The following NUDT9 variants were observed in gnomAD, a reference collection of about 807,000 sequenced individuals.
The protein encoded by NUDT9 is nudix hydrolase 9.
Under a neutral mutation model 41.0 loss-of-function variants are expected in NUDT9, and 31 were observed. The observed-to-expected ratio is 0.76, with a 90% CI of 0.57 to 1.02. NUDT9 has a LOEUF of 1.02. Ranked by LOEUF, NUDT9 falls within the 50% of genes least tolerant of loss-of-function variation. The pLI, the probability that NUDT9 is intolerant of heterozygous loss-of-function variation, is 0.00. For missense variants in NUDT9, 380 were observed against 431.4 expected (o/e 0.88, Z 1.06); for synonymous variants, 146 against 147.6 (o/e 0.99, Z 0.08).
rs577507490 is a variant in NUDT9, at chr4:87,447,774, C to T, written c.531-1368C>T. 2.0e-5 allele frequency among the ~76,000 whole-genome samples: 3 copies of T among 152,178 alleles called. No homozygotes were observed. In the East Asian group the frequency reaches 5.8e-4, roughly 29 times the overall value. On this transcript the variant is annotated intron_variant, in intron 4 of 7. Transcript: ENST00000302174. ...AGAAGCAGGGCCGGGTGGCTTACAC[C>T]TGTAATTGCAGCACTTTGGGATGCC...
At chr4:87,447,010 T>A (rs918701729) in intron 4 of NUDT9, among the ~76,000 whole-genome samples, 39 of 152,138 alleles carry the variant, frequency 2.6e-4, no homozygotes, top group African/African-American at 9.2e-4. Context: ...CTGGTTATGG[T>A]TTTACCCTGC....
Position 87,437,216 on chromosome 4 carries a change from T to C in NUDT9, c.348-1061T>C, listed in dbSNP as rs1272368710. On this transcript the variant is annotated intron_variant, in intron 2 of 7. Transcript: ENST00000302174. Reference sequence around the variant, plus strand: ...AGTGAACCAAGATAATGCTACAGCATTCCAGCCTGGGTGACAGAACGAGAC... The same window carrying C: ...AGTGAACCAAGATAATGCTACAGCACTCCAGCCTGGGTGACAGAACGAGAC... 8.0e-5 allele frequency among the ~76,000 whole-genome samples: 11 copies of C among 136,824 alleles called. No individual in the cohort carries two copies. The East Asian group carries it at 2.4e-3, about 30-fold the overall frequency. 89.8% of individuals were successfully genotyped at this position (136,824 alleles called of 152,430 possible).
chr4:87,440,395 C>G (rs537431650), intron 3 of NUDT9, among the ~76,000 whole-genome samples: 1 of 152,164 alleles, frequency 6.6e-6, no homozygotes, highest in Non-Finnish European at 1.5e-5. Flanking sequence ...TCTCTCTTTG[C>G]GAATAACCAT....
At chr4:87,431,415 A>G (rs1315074753) in intron 1 of NUDT9, among the ~76,000 whole-genome samples, 1 of 152,186 alleles carries the variant, frequency 6.6e-6, no homozygotes, top group African/African-American at 2.4e-5. Context: ...GAGATTCCAT[A>G]TGAATTTTAA....
intron 4 of NUDT9, chr4:87,445,195 T>C (rs531410577): frequency 3.3e-5 from 5 of 152,338 alleles, no homozygotes; most frequent in African/African-American, 1.2e-4. Flanking sequence ...TCACTGGGGT[T>C]AAGTTACTTG....
In NUDT9 at chr4:87,441,875, C is replaced by T. The variant is rs571942291; in HGVS notation, c.490C>T (p.Arg164Ter). ...TGLVGRGLLG[R>*]WGPNHAADPI... is the part of the protein sequence containing the mutation. ...ACTGGTGGGCCGGGGGCTTTTGGGG[C>T]GATGGGGCCCAAATCACGCTGCAGA... Residue 164 changes from arginine to a stop codon, truncating the protein, a stop_gained, in exon 4 of 8, where the codon CGA becomes TGA. Transcript: ENST00000302174. LOFTEE classifies it high-confidence loss of function. 44 of 1,612,910 alleles carry T rather than the reference C, an allele frequency of 2.7e-5. No individual in the cohort carries two copies. The highest frequency in any genetic ancestry group is 3.1e-5 in the Non-Finnish European group (36 of 1,179,654).
chr4:87,431,005 T>A (rs1394458096), intron 1 of NUDT9, among the ~76,000 whole-genome samples: 1 of 152,178 alleles, frequency 6.6e-6, no homozygotes, highest in Non-Finnish European at 1.5e-5. Context: ...ATCCAGAAAA[T>A]CATCACCAAA....
At chr4:87,426,045 T>C (rs1465256574) in intron 1 of NUDT9, among the ~76,000 whole-genome samples, 1 of 152,156 alleles carries the variant, frequency 6.6e-6, no homozygotes, top group Non-Finnish European at 1.5e-5. Flanking sequence ...ACTATTGGGC[T>C]CAAGTGATCC....
intron 3 of NUDT9, among the ~76,000 whole-genome samples, chr4:87,440,586 G>A (rs7677249): frequency 0.25 from 38,401 of 152,012 alleles, 4,936 homozygotes; most frequent in African/African-American, 0.29. Flanking sequence ...GGTGGCTCAC[G>A]CCTGTAATCC....
chr4:87,423,686 CTGTG>C (rs1204071340), intron 1 of NUDT9, among the ~76,000 whole-genome samples: 1 of 152,136 alleles, frequency 6.6e-6, no homozygotes, highest in African/African-American at 2.4e-5. Flanking sequence ...GTCAATTGTT[CTGTG>C]TCTTTTTGGT....
chr4:87,455,816 C>T (rs1223135943), intron 7 of NUDT9, among the ~76,000 whole-genome samples: 5 of 151,934 alleles, frequency 3.3e-5, no homozygotes, highest in Non-Finnish European at 7.4e-5. Flanking sequence ...CATGCACCAC[C>T]ATGCCTGGCT....
intron 4 of NUDT9, among the ~76,000 whole-genome samples, chr4:87,447,670 C>A (rs997946209): frequency 1.3e-5 from 2 of 151,848 alleles, no homozygotes; most frequent in Non-Finnish European, 2.9e-5. Context: ...TCTACAAAAC[C>A]CATAAGCAAT....
intron 1 of NUDT9, among the ~76,000 whole-genome samples, chr4:87,425,550 A>G (rs1248002405): frequency 6.6e-6 from 1 of 151,206 alleles, no homozygotes; most frequent in Non-Finnish European, 1.5e-5. Flanking sequence ...GCCCATCACC[A>G]TGCCTGGCTA....
intron 3 of NUDT9, among the ~76,000 whole-genome samples, chr4:87,441,391 TC>T (rs1341266770): frequency 7.2e-5 from 11 of 152,098 alleles, no homozygotes; most frequent in African/African-American, 2.7e-4. Flanking sequence ...ATAATAAAAA[TC>T]CAGAAACCAT....
At chr4:87,439,318 GGTGACAGAGA>G (rs1722094685) in intron 3 of NUDT9, among the ~76,000 whole-genome samples, 1 of 151,976 alleles carries the variant, frequency 6.6e-6, no homozygotes, top group Non-Finnish European at 1.5e-5. Context: ...CATGGCAACA[GGTGACAGAGA>G]GTGAATAAGT....
At chr4:87,440,210 C>G (rs1365457249) in intron 3 of NUDT9, among the ~76,000 whole-genome samples, 1 of 152,130 alleles carries the variant, frequency 6.6e-6, no homozygotes, top group East Asian at 1.9e-4. Flanking sequence ...CTAATAGAAA[C>G]TAACTTTAGC....
intron 7 of NUDT9, among the ~76,000 whole-genome samples, chr4:87,455,658 CT>C (rs535251267): frequency 4.7e-3 from 608 of 130,218 alleles, no homozygotes; most frequent in Middle Eastern, 8.5e-3. Flanking sequence ...TTTCTTTTTT[CT>C]TTTTTTTTTT....
chr4:87,432,116 G>A (rs1309535520), intron 1 of NUDT9, among the ~76,000 whole-genome samples: 3 of 152,178 alleles, frequency 2.0e-5, no homozygotes, highest in Non-Finnish European at 2.9e-5. Flanking sequence ...ATCATGCGAT[G>A]TGTAAATACA....
chr4:87,455,323 T>G (rs1182704935), intron 7 of NUDT9, among the ~76,000 whole-genome samples: 2 of 152,108 alleles, frequency 1.3e-5, no homozygotes, highest in African/African-American at 4.8e-5. Flanking sequence ...TCCACTAAGG[T>G]GTATTAGAAG....
Sources: allele counts gnomAD v4.1 joint callset (sites outside exome capture counted in the v4.1 genomes callset), GRCh38; gene constraint gnomAD v4.1.1; transcripts MANE v1.5; gene names NCBI Gene and HGNC (gene_info 2026-07-23, HGNC 2026-07-21).